LY96: variants seen among roughly 807,000 people sequenced by gnomAD.
The protein encoded by LY96 is lymphocyte antigen 96.
LY96 carries 18 observed loss-of-function variants against 18.9 expected under a neutral mutation model. That is an observed-to-expected ratio of 0.95 (90% confidence interval 0.66 to 1.41). The LOEUF (loss-of-function observed/expected upper bound fraction) is 1.41. Among genes scored for constraint, LY96 ranks in the 40% most tolerant of loss-of-function variants. The pLI, the probability that LY96 is intolerant of heterozygous loss-of-function variation, is 0.00. For synonymous variants in LY96, 66 were observed against 62.6 expected, an observed-to-expected ratio of 1.06 and a Z score of -0.26; for missense variants, 175 against 182.4, an observed-to-expected ratio of 0.96 and a Z score of 0.23.
chr8:74,097,382 T>A, the LY96 span, among the ~76,000 whole-genome samples: 1 of 152,126 alleles, frequency 6.6e-6, no homozygotes, highest in African/African-American at 2.4e-5. Context: ...GTAACAGTAG[T>A]AGTGTTATTT....
downstream of LY96, among the ~76,000 whole-genome samples, chr8:74,033,129 AG>A (rs1294951355): frequency 6.6e-6 from 1 of 152,128 alleles, no homozygotes; most frequent in Non-Finnish European, 1.5e-5. Context: ...AGCCTTATCA[AG>A]TTTGCTGTCT....
chr8:74,006,348 C>A (rs1816411563), intron 2 of LY96, among the ~76,000 whole-genome samples: 2 of 152,122 alleles, frequency 1.3e-5, no homozygotes, highest in Admixed American at 1.3e-4. Flanking sequence ...TAGGCACCCA[C>A]CACCATGCCT....
chr8:74,053,341 C>T, the LY96 span, among the ~76,000 whole-genome samples: 3 of 152,168 alleles, frequency 2.0e-5, no homozygotes, highest in Non-Finnish European at 4.4e-5. Context: ...CACTTCTCAC[C>T]CATTTCTAAT....
the LY96 span, among the ~76,000 whole-genome samples, chr8:74,035,523 C>T: frequency 8.2e-4 from 125 of 152,288 alleles, no homozygotes; most frequent in Middle Eastern, 3.4e-3. Context: ...AATGAACTCC[C>T]TCCTCTCAGC....
At chr8:74,005,461 G>T (rs895808982) in intron 2 of LY96, among the ~76,000 whole-genome samples, 28 of 152,310 alleles carry the variant, frequency 1.8e-4, no homozygotes, top group Non-Finnish European at 3.8e-4. Flanking sequence ...GTAGAAATGG[G>T]AATAACTTCA....
the LY96 span, among the ~76,000 whole-genome samples, chr8:74,070,741 A>G: frequency 3.7e-4 from 57 of 152,158 alleles, no homozygotes; most frequent in African/African-American, 1.2e-3. Flanking sequence ...CTTTTTTAAA[A>G]AAAAATTAAT....
chr8:74,051,906 G>T, the LY96 span, among the ~76,000 whole-genome samples: 1 of 152,076 alleles, frequency 6.6e-6, no homozygotes, highest in Non-Finnish European at 1.5e-5. Flanking sequence ...AGACAGTGGG[G>T]TTCAATTTTA....
the LY96 span, among the ~76,000 whole-genome samples, chr8:74,040,370 T>C: frequency 6.6e-6 from 1 of 152,250 alleles, no homozygotes; most frequent in Non-Finnish European, 1.5e-5. Flanking sequence ...TTTGGTTTGG[T>C]TGCTTGTGCT....
chr8:74,050,278 G>A, the LY96 span, among the ~76,000 whole-genome samples: 1 of 152,070 alleles, frequency 6.6e-6, no homozygotes, highest in South Asian at 2.1e-4. Flanking sequence ...GAGAGGCAGA[G>A]GTTGCAGTGA....
the LY96 span, among the ~76,000 whole-genome samples, chr8:74,040,555 T>C: frequency 1.3e-5 from 2 of 152,212 alleles, no homozygotes; most frequent in African/African-American, 4.8e-5. Context: ...TGCTTATGGA[T>C]ATCCAGTTTT....
At chr8:74,001,540 T>A (rs1014066028) in intron 1 of LY96, among the ~76,000 whole-genome samples, 5 of 152,098 alleles carry the variant, frequency 3.3e-5, no homozygotes, top group Non-Finnish European at 7.4e-5. Context: ...TCTACAAATT[T>A]TTTTTTAATT....
the LY96 span, among the ~76,000 whole-genome samples, chr8:74,080,988 T>TCTC: frequency 1.2e-3 from 55 of 45,368 alleles, no homozygotes; most frequent in Admixed American, 1.9e-3. Context: ...TTCTCTCTCT[T>TCTC]TCTTTCTTTC....
intron 1 of LY96, among the ~76,000 whole-genome samples, chr8:74,001,699 A>T (rs78150560): frequency 1.3e-5 from 2 of 152,028 alleles, no homozygotes; most frequent in East Asian, 1.9e-4. Context: ...AAAAAAAAAA[A>T]TTAGCTGAGT....
chr8:74,064,783 G>A, the LY96 span, among the ~76,000 whole-genome samples: 28 of 152,292 alleles, frequency 1.8e-4, no homozygotes, highest in African/African-American at 6.7e-4. Context: ...ACATGGTTAA[G>A]TCTCAAAAAT....
chr8:73,996,372 C>CCTTTCTTTCTTTCTTTCTTTCTTTTCTTT, intron 1 of LY96, among the ~76,000 whole-genome samples: 1 of 111,006 alleles, frequency 9.0e-6, no homozygotes, highest in Non-Finnish European at 1.9e-5. Flanking sequence ...TTCCTTCATT[C>CCTTTCTTTCTTTCTTTCTTTCTTTTCTTT]CTTTCTTTCT....
the LY96 span, among the ~76,000 whole-genome samples, chr8:74,062,405 C>T: frequency 2.8e-4 from 43 of 150,930 alleles, no homozygotes; most frequent in East Asian, 7.2e-3. Flanking sequence ...CGCACCCCAA[C>T]CCCGGACAGG....
At chr8:74,009,170 G>C (rs1816475591) in intron 2 of LY96, among the ~76,000 whole-genome samples, 1 of 151,498 alleles carries the variant, frequency 6.6e-6, no homozygotes, top group African/African-American at 2.4e-5. Context: ...GCTGAGGTGG[G>C]TGGATCACGA....
At chr8:73,996,385 CTTTCTTTCTTTCTTTCTTTCTTTCTTT>C (rs1816141496) in intron 1 of LY96, among the ~76,000 whole-genome samples, 1 of 41,254 alleles carries the variant, frequency 2.4e-5, no homozygotes, top group African/African-American at 1.2e-4. Flanking sequence ...TTCTTTCTTT[CTTTCTTTCTTTCTTTCTTTCTTTCTTT>C]CTTTCTTTCT....
At chr8:74,092,097 A>T in the LY96 span, among the ~76,000 whole-genome samples, 1 of 152,196 alleles carries the variant, frequency 6.6e-6, no homozygotes, top group African/African-American at 2.4e-5. Context: ...GTCTAGGGCT[A>T]GAAAGTGGGG....
Sources: gnomAD v4.1 joint callset for allele counts (sites outside exome capture counted in the v4.1 genomes callset) on GRCh38, gnomAD v4.1.1 for gene constraint, MANE v1.5 for transcripts, NCBI Gene and HGNC (gene_info 2026-07-23, HGNC 2026-07-21) for gene names.